SHISA6: variants seen among roughly 807,000 people sequenced by gnomAD.
SHISA6 encodes the protein shisa family member 6, also known as protein shisa-6.
SHISA6 carries 22 observed loss-of-function variants against 47.9 expected under a neutral mutation model. The ratio of observed to expected loss-of-function variants is 0.46; its 90% CI spans 0.33 to 0.66. The LOEUF (loss-of-function observed/expected upper bound fraction) is 0.66. Ranked by LOEUF, SHISA6 falls within the 30% of genes least tolerant of loss-of-function variation. SHISA6 has a pLI of 0.02. For missense variants in SHISA6, 680 were observed against 764.6 expected, an observed-to-expected ratio of 0.89 and a Z score of 1.30; for synonymous variants, 388 against 337.8, an observed-to-expected ratio of 1.15 and a Z score of -1.63.
intron 3 of SHISA6, among the ~76,000 whole-genome samples, chr17:11,472,038 A>G (rs538079891): frequency 2.7e-4 from 41 of 152,116 alleles, no homozygotes; most frequent in Admixed American, 1.0e-3. Flanking sequence ...TGTATTCATT[A>G]TTATAGTATC....
At chr17:11,398,014 G>T (rs1211689038) in intron 3 of SHISA6, among the ~76,000 whole-genome samples, 2 of 151,518 alleles carry the variant, frequency 1.3e-5, no homozygotes, top group African/African-American at 2.4e-5. Context: ...TTGAATTTCT[G>T]TTTTAAAACT....
intron 3 of SHISA6, among the ~76,000 whole-genome samples, chr17:11,481,366 G>A (rs2021135): frequency 0.32 from 35,308 of 109,420 alleles, 4,885 homozygotes; most frequent in African/African-American, 0.43. Flanking sequence ...GTGTGTGTGT[G>A]TATATATATA....
chr17:11,400,811 T>A (rs1174532795), intron 3 of SHISA6, among the ~76,000 whole-genome samples: 1 of 152,190 alleles, frequency 6.6e-6, no homozygotes, highest in East Asian at 1.9e-4. Flanking sequence ...TTTTTCTGCA[T>A]CCATAAGGAC....
intron 2 of SHISA6, among the ~76,000 whole-genome samples, chr17:11,323,610 C>T (rs376226538): frequency 4.0e-4 from 61 of 151,914 alleles, no homozygotes; most frequent in Non-Finnish European, 6.9e-4. Context: ...GCCGAGATCG[C>T]GCCATTGCAC....
intron 3 of SHISA6, among the ~76,000 whole-genome samples, chr17:11,511,998 T>A (rs1462883798): frequency 3.3e-5 from 5 of 152,228 alleles, no homozygotes; most frequent in Non-Finnish European, 5.9e-5. Context: ...TTCAGCACAC[T>A]GAGCAAACTA....
At chr17:11,522,928 C>A (rs540462431) in intron 3 of SHISA6, among the ~76,000 whole-genome samples, 1 of 152,326 alleles carries the variant, frequency 6.6e-6, no homozygotes, top group East Asian at 1.9e-4. Context: ...TCCAGACATG[C>A]CTTGAGGCTT....
At chr17:11,278,002 G>T (rs953643246) in intron 2 of SHISA6, among the ~76,000 whole-genome samples, 2 of 152,164 alleles carry the variant, frequency 1.3e-5, no homozygotes, top group African/African-American at 4.8e-5. Context: ...GAGAAGAATG[G>T]CTATTGGGGG....
At chr17:11,447,957 T>C (rs1012375365) in intron 3 of SHISA6, among the ~76,000 whole-genome samples, 1 of 152,146 alleles carries the variant, frequency 6.6e-6, no homozygotes, top group African/African-American at 2.4e-5. Flanking sequence ...GTGGTGGAGT[T>C]CCTCGCCGCC....
chr17:11,262,371 T>C (rs993333252), intron 1 of SHISA6, among the ~76,000 whole-genome samples: 2 of 152,062 alleles, frequency 1.3e-5, no homozygotes, highest in Non-Finnish European at 2.9e-5. Context: ...CGGGAGTGCA[T>C]TGAGGACTGG....
At chr17:11,326,095 C>A (rs1427058421) in intron 2 of SHISA6, among the ~76,000 whole-genome samples, 2 of 152,080 alleles carry the variant, frequency 1.3e-5, no homozygotes, top group African/African-American at 4.8e-5. Flanking sequence ...CATGGTGAAA[C>A]CCTGTCTCTA....
chr17:11,448,555 G>A (rs1006499850), intron 3 of SHISA6, among the ~76,000 whole-genome samples: 1 of 152,072 alleles, frequency 6.6e-6, no homozygotes, highest in African/African-American at 2.4e-5. Context: ...TAGGCTGGGC[G>A]TGGTGTCTCA....
chr17:11,322,605 T>C (rs1441057512), intron 2 of SHISA6, among the ~76,000 whole-genome samples: 1 of 152,234 alleles, frequency 6.6e-6, no homozygotes, highest in Non-Finnish European at 1.5e-5. Flanking sequence ...ACAATTCCTA[T>C]TTAGTTATAC....
intron 2 of SHISA6, among the ~76,000 whole-genome samples, chr17:11,292,341 G>A (rs1352926789): frequency 6.6e-6 from 1 of 151,986 alleles, no homozygotes; most frequent in Admixed American, 6.6e-5. Context: ...CTATGTCCGT[G>A]TGTTCTCATT....
At chr17:11,455,318 G>A (rs1915507692) in intron 3 of SHISA6, among the ~76,000 whole-genome samples, 1 of 152,150 alleles carries the variant, frequency 6.6e-6, no homozygotes, top group African/African-American at 2.4e-5. Flanking sequence ...TACTTCATAA[G>A]GTTAGAATTG....
In SHISA6 at chr17:11,413,240, C is replaced by T. The variant is rs573669378; in HGVS notation, c.895+33731C>T. Among the ~76,000 whole-genome samples, 100 of 152,270 alleles carry T rather than the reference C, an allele frequency of 6.6e-4. 1 individual carries two copies. The highest frequency in any genetic ancestry group is 2.3e-3 in the African/African-American group (95 of 41,552). ...ATCACCCTAACTCCAGTCAGACTTT[C>T]GATGATACGTCATTTCGTGTCAGGG... On this transcript the variant is annotated intron_variant, in intron 3 of 5. Transcript: ENST00000441885.
chr17:11,296,001 C>G (rs970370140), intron 2 of SHISA6, among the ~76,000 whole-genome samples: 2 of 150,262 alleles, frequency 1.3e-5, no homozygotes, highest in Non-Finnish European at 3.0e-5. Flanking sequence ...GGAGAACATT[C>G]CAGGCAATGG....
intron 3 of SHISA6, among the ~76,000 whole-genome samples, chr17:11,527,721 C>T (rs150231654): frequency 0.011 from 1,729 of 152,200 alleles, 23 homozygotes; most frequent in Non-Finnish European, 0.018. Context: ...GTATCATCTA[C>T]GATTCTAGAA....
At chr17:11,530,506 T>C (rs2071723217) in intron 3 of SHISA6, among the ~76,000 whole-genome samples, 1 of 152,180 alleles carries the variant, frequency 6.6e-6, no homozygotes, top group Admixed American at 6.5e-5. Flanking sequence ...ATGTTAACTA[T>C]AGAGTTTTTA....
intron 3 of SHISA6, among the ~76,000 whole-genome samples, chr17:11,398,576 G>A (rs1179327617): frequency 6.6e-6 from 1 of 151,658 alleles, no homozygotes; most frequent in African/African-American, 2.4e-5. Context: ...CCGACAGTAG[G>A]TTTTTTTGTT....
Sources: allele counts gnomAD v4.1 joint callset (sites outside exome capture counted in the v4.1 genomes callset), GRCh38; gene constraint gnomAD v4.1.1; transcripts MANE v1.5; gene names NCBI Gene and HGNC (gene_info 2026-07-23, HGNC 2026-07-21).